NAALADL2: variants seen among roughly 807,000 people sequenced by gnomAD.
NAALADL2 encodes the protein N-acetylated alpha-linked acidic dipeptidase like 2, also known as inactive N-acetylated-alpha-linked acidic dipeptidase-like protein 2.
Under a neutral mutation model 87.2 loss-of-function variants are expected in NAALADL2, and 76 were observed. The observed-to-expected ratio is 0.87, with a 90% CI of 0.72 to 1.05. The LOEUF (loss-of-function observed/expected upper bound fraction) is 1.05, where lower values mean the gene tolerates loss of function less well. Ranked by LOEUF, NAALADL2 falls within the 50% of genes least tolerant of loss-of-function variation. The pLI, the probability that NAALADL2 is intolerant of heterozygous loss-of-function variation, is 0.00. For missense variants in NAALADL2, 1,089 were observed against 945.8 expected (o/e 1.15, Z -1.99); for synonymous variants, 354 against 331.0 (o/e 1.07, Z -0.75).
At chr3:174,706,650 A>G (rs1280379866) in intron 2 of NAALADL2, among the ~76,000 whole-genome samples, 1 of 152,142 alleles carries the variant, frequency 6.6e-6, no homozygotes, top group African/African-American at 2.4e-5. Context: ...ATTAGATCCC[A>G]TTTGTCAATT....
chr3:175,183,916 A>C (rs1736964880), intron 2 of NAALADL2, among the ~76,000 whole-genome samples: 1 of 152,126 alleles, frequency 6.6e-6, no homozygotes, highest in Non-Finnish European at 1.5e-5. Context: ...ATTTAAAAAC[A>C]AACTTTATTT....
chr3:174,467,435 A>T (rs900907085), intron 1 of NAALADL2, among the ~76,000 whole-genome samples: 1 of 151,912 alleles, frequency 6.6e-6, no homozygotes, highest in Non-Finnish European at 1.5e-5. Flanking sequence ...GCTACTAAAA[A>T]TACAAAAATT....
intron 11 of NAALADL2, among the ~76,000 whole-genome samples, chr3:175,647,567 A>G (rs1332067906): frequency 2.0e-5 from 3 of 152,170 alleles, no homozygotes; most frequent in Non-Finnish European, 4.4e-5. Context: ...AGTCTCTTAG[A>G]TAGAGGACTG....
At chr3:174,514,478 C>A (rs1719798919) in intron 1 of NAALADL2, among the ~76,000 whole-genome samples, 1 of 152,028 alleles carries the variant, frequency 6.6e-6, no homozygotes, top group South Asian at 2.1e-4. Context: ...TCAGTTATAT[C>A]CATGAATCTA....
At chr3:175,276,340 G>C (rs2110050824) in intron 4 of NAALADL2, among the ~76,000 whole-genome samples, 1 of 136,560 alleles carries the variant, frequency 7.3e-6, no homozygotes, top group East Asian at 2.1e-4. Flanking sequence ...TCGCTCTGCT[G>C]CTAGACTGGA....
intron 1 of NAALADL2, among the ~76,000 whole-genome samples, chr3:174,964,314 A>G (rs1186541899): frequency 2.0e-5 from 3 of 152,132 alleles, no homozygotes; most frequent in Admixed American, 6.6e-5. Context: ...TTCTTTGGAC[A>G]TGCTAAATTT....
At chr3:175,436,252 G>A (rs2149181237) in intron 5 of NAALADL2, among the ~76,000 whole-genome samples, 1 of 144,402 alleles carries the variant, frequency 6.9e-6, no homozygotes, top group Admixed American at 7.1e-5. Flanking sequence ...GTCTATCATT[G>A]TTGGACATTT....
intron 2 of NAALADL2, among the ~76,000 whole-genome samples, chr3:175,105,308 A>C (rs1052474738): frequency 2.0e-5 from 3 of 152,050 alleles, no homozygotes; most frequent in African/African-American, 7.2e-5. Context: ...GGCTCTCAGT[A>C]AGTCTTTACT....
At chr3:174,581,134 A>G (rs1252942660) in intron 2 of NAALADL2, among the ~76,000 whole-genome samples, 1 of 152,202 alleles carries the variant, frequency 6.6e-6, no homozygotes, top group Non-Finnish European at 1.5e-5. Flanking sequence ...TAATAGGTTA[A>G]GTGACAGAGA....
At chr3:175,752,746 T>G (rs1746769832) in intron 12 of NAALADL2, among the ~76,000 whole-genome samples, 1 of 152,140 alleles carries the variant, frequency 6.6e-6, no homozygotes, top group African/African-American at 2.4e-5. Flanking sequence ...CTAAATAAGG[T>G]AGAATGATAC....
chr3:175,054,798 C>A (rs139943311), intron 1 of NAALADL2, among the ~76,000 whole-genome samples: 16,866 of 152,110 alleles, frequency 0.11, 1,043 homozygotes, highest in East Asian at 0.21. Context: ...TACCCCATTT[C>A]ATGCATCATA....
At chr3:175,140,323 G>A (rs1333295978) in intron 2 of NAALADL2, among the ~76,000 whole-genome samples, 1 of 152,026 alleles carries the variant, frequency 6.6e-6, no homozygotes. Flanking sequence ...TATTCAGGTG[G>A]GACTAGAAAA....
intron 6 of NAALADL2, among the ~76,000 whole-genome samples, chr3:175,461,072 C>A (rs1480119915): frequency 6.6e-6 from 1 of 152,104 alleles, no homozygotes; most frequent in Non-Finnish European, 1.5e-5. Context: ...GTTTACAGTT[C>A]TTTAGCTAGA....
intron 11 of NAALADL2, among the ~76,000 whole-genome samples, chr3:175,700,473 G>T (rs1738835140): frequency 6.6e-6 from 1 of 152,256 alleles, no homozygotes; most frequent in South Asian, 2.1e-4. Flanking sequence ...TCTGACAAAG[G>T]TAACTGCCTT....
intron 3 of NAALADL2, among the ~76,000 whole-genome samples, chr3:174,837,756 T>C (rs1723510487): frequency 6.6e-6 from 1 of 151,984 alleles, no homozygotes; most frequent in Non-Finnish European, 1.5e-5. Flanking sequence ...ATCATGCCAC[T>C]GCACTGCAGC....
intron 1 of NAALADL2, among the ~76,000 whole-genome samples, chr3:175,023,810 A>G (rs1751876284): frequency 6.6e-6 from 1 of 152,076 alleles, no homozygotes; most frequent in African/African-American, 2.4e-5. Context: ...TGAGGAACAT[A>G]ACTCAGATTT....
chr3:175,267,317 T>C (rs6443300), intron 4 of NAALADL2, among the ~76,000 whole-genome samples: 41,245 of 151,890 alleles, frequency 0.27, 6,043 homozygotes, highest in African/African-American at 0.39. Flanking sequence ...TTATAAAACA[T>C]GTAGCTCCAA....
chr3:175,466,914 T>C (rs568731479), intron 7 of NAALADL2, 65 bp from the exon 8 acceptor site: 3 of 1,280,864 alleles, frequency 2.3e-6, no homozygotes, highest in African/African-American at 2.9e-5. Context: ...ATTATGTAAA[T>C]GTCATTAAAT....
chr3:174,605,619 G>A (rs986986036), intron 2 of NAALADL2, among the ~76,000 whole-genome samples: 11 of 152,112 alleles, frequency 7.2e-5, no homozygotes, highest in African/African-American at 2.2e-4. Context: ...GGGGAGGGGC[G>A]CCCACCATTG....
Sources: gnomAD v4.1 joint callset for allele counts (sites outside exome capture counted in the v4.1 genomes callset) on GRCh38, gnomAD v4.1.1 for gene constraint, MANE v1.5 for transcripts, NCBI Gene and HGNC (gene_info 2026-07-23, HGNC 2026-07-21) for gene names.